Variants in AGBL1 observed in about 807,000 individuals in gnomAD.
AGBL1 encodes AGBL carboxypeptidase 1, also known as cytosolic carboxypeptidase 4.
A neutral mutation model predicts 118.9 loss-of-function variants in AGBL1; 130 were observed. The ratio of observed to expected loss-of-function variants is 1.09; its 90% confidence interval spans 0.95 to 1.26. The LOEUF (loss-of-function observed/expected upper bound fraction) is 1.26. Ranked by LOEUF, AGBL1 falls within the 50% of genes most tolerant of loss-of-function variation. The pLI, the probability that AGBL1 is intolerant of heterozygous loss-of-function variation, is 0.00. For synonymous variants in AGBL1, 555 were observed against 478.9 expected, an observed-to-expected ratio of 1.16 and a Z score of -2.08; for missense variants, 1,584 against 1,298.1, an observed-to-expected ratio of 1.22 and a Z score of -3.38.
At chr15:86,641,783 C>T (rs1488053354) in intron 21 of AGBL1, among the ~76,000 whole-genome samples, 1 of 152,206 alleles carries the variant, frequency 6.6e-6, no homozygotes, top group East Asian at 1.9e-4. Context: ...AAAAACCCCA[C>T]AGCTTTTATC....
At chr15:86,432,316 C>T (rs1331940579) in intron 18 of AGBL1, among the ~76,000 whole-genome samples, 2 of 152,056 alleles carry the variant, frequency 1.3e-5, no homozygotes, top group Non-Finnish European at 2.9e-5. Context: ...ACATTTGGTC[C>T]TCTCATCTCC....
At chr15:86,227,901 A>G (rs576806368) in intron 6 of AGBL1, among the ~76,000 whole-genome samples, 3 of 152,244 alleles carry the variant, frequency 2.0e-5, no homozygotes, top group South Asian at 2.1e-4. Context: ...TAATGAGTAG[A>G]AAGTCCAATG....
intron 24 of AGBL1, among the ~76,000 whole-genome samples, chr15:87,003,728 T>A (rs2081466438): frequency 6.6e-6 from 1 of 152,190 alleles, no homozygotes; most frequent in Admixed American, 6.5e-5. Flanking sequence ...GTCAAGGAAT[T>A]TATCCATTTC....
intron 1 of AGBL1, among the ~76,000 whole-genome samples, chr15:86,081,641 T>G (rs901340353): frequency 1.3e-5 from 2 of 152,206 alleles, no homozygotes; most frequent in Non-Finnish European, 2.9e-5. Context: ...CTGGCTAGAT[T>G]TATTTGATTT....
At chr15:86,988,304 G>T (rs539133888) in intron 24 of AGBL1, 1 of 503,658 alleles carries the variant, frequency 2.0e-6, no homozygotes, top group East Asian at 3.6e-5. Context: ...TACGATTACT[G>T]GTTGTTCTGT....
At chr15:86,390,540 G>C (rs1015834591) in intron 17 of AGBL1, among the ~76,000 whole-genome samples, 1 of 151,954 alleles carries the variant, frequency 6.6e-6, no homozygotes. Context: ...TTGCTATGTG[G>C]TACCTTGGAA....
chr15:86,636,207 T>C (rs1399083135), intron 21 of AGBL1, among the ~76,000 whole-genome samples: 2 of 152,136 alleles, frequency 1.3e-5, no homozygotes, highest in African/African-American at 4.8e-5. Flanking sequence ...AAATACCCAC[T>C]TCTACAAATT....
intron 19 of AGBL1, among the ~76,000 whole-genome samples, chr15:86,526,165 T>C (rs1181985923): frequency 1.3e-5 from 2 of 152,166 alleles, no homozygotes; most frequent in Admixed American, 6.5e-5. Context: ...TGCAGTGAGA[T>C]ACCACTTTAC....
chr15:86,710,057 G>A (rs1374233056), intron 22 of AGBL1, among the ~76,000 whole-genome samples: 9 of 152,104 alleles, frequency 5.9e-5, no homozygotes, highest in Admixed American at 5.9e-4. Flanking sequence ...TGAATGGGGC[G>A]AGGAGCAGAT....
chr15:86,408,708 G>A (rs1267781586), intron 18 of AGBL1, among the ~76,000 whole-genome samples: 1 of 152,176 alleles, frequency 6.6e-6, no homozygotes, highest in Non-Finnish European at 1.5e-5. Flanking sequence ...GTCAATCTGG[G>A]TTCTGGTTCT....
chr15:86,977,907 AG>A (rs2081191462), intron 23 of AGBL1, among the ~76,000 whole-genome samples: 1 of 152,098 alleles, frequency 6.6e-6, no homozygotes, highest in African/African-American at 2.4e-5. Flanking sequence ...TTGATTGTGG[AG>A]CCCCAGAAGA....
At chr15:86,720,087 A>G (rs2086694605) in intron 22 of AGBL1, among the ~76,000 whole-genome samples, 1 of 152,232 alleles carries the variant, frequency 6.6e-6, no homozygotes, top group African/African-American at 2.4e-5. Flanking sequence ...TGACAAGTAT[A>G]TACAGATTAC....
chr15:86,318,367 T>C (rs1214091443), intron 17 of AGBL1, among the ~76,000 whole-genome samples: 4 of 152,216 alleles, frequency 2.6e-5, no homozygotes, highest in Non-Finnish European at 5.9e-5. Context: ...TATTTTCTTT[T>C]CTGTCTGTTT....
chr15:86,330,139 G>A (rs968468680), intron 17 of AGBL1, among the ~76,000 whole-genome samples: 11 of 152,148 alleles, frequency 7.2e-5, no homozygotes, highest in Admixed American at 2.6e-4. Flanking sequence ...TGCCTCCCTG[G>A]GAGCTGAGCA....
intron 24 of AGBL1, among the ~76,000 whole-genome samples, chr15:87,005,607 G>A (rs1292321040): frequency 6.6e-6 from 1 of 152,038 alleles, no homozygotes; most frequent in Middle Eastern, 3.2e-3. Flanking sequence ...TTTTTTCAAG[G>A]TTTTTAACTT....
chr15:86,695,198 A>G (rs1051289994), intron 22 of AGBL1, among the ~76,000 whole-genome samples: 37 of 152,088 alleles, frequency 2.4e-4, no homozygotes, highest in Admixed American at 2.2e-3. Context: ...GTCCAATAGA[A>G]TTCAGCTGTG....
At chr15:86,952,431 A>G (rs2080889070) in intron 23 of AGBL1, among the ~76,000 whole-genome samples, 1 of 152,182 alleles carries the variant, frequency 6.6e-6, no homozygotes, top group South Asian at 2.1e-4. Flanking sequence ...AAGTGCTTAG[A>G]TAATTGACAC....
At chr15:86,388,641 T>C (rs1171998777) in intron 17 of AGBL1, among the ~76,000 whole-genome samples, 2 of 152,200 alleles carry the variant, frequency 1.3e-5, no homozygotes, top group African/African-American at 4.8e-5. Context: ...CACTATATCA[T>C]ATTTTGTCTC....
chr15:86,715,990 C>T (rs535877719), intron 22 of AGBL1, among the ~76,000 whole-genome samples: 4 of 150,400 alleles, frequency 2.7e-5, no homozygotes, highest in South Asian at 2.1e-4. Context: ...CACTTGAACC[C>T]GGGAGGTGGA....
Sources: allele counts gnomAD v4.1 joint callset (sites outside exome capture counted in the v4.1 genomes callset), GRCh38; gene constraint gnomAD v4.1.1; transcripts MANE v1.5; gene names NCBI Gene and HGNC (gene_info 2026-07-23, HGNC 2026-07-21).